The following EBF3 variants were observed in gnomAD, a reference collection of about 807,000 sequenced individuals.
EBF3 encodes transcription factor COE3.
In EBF3, 18 loss-of-function variants were observed where a neutral mutation model predicts 77.1. The observed-to-expected ratio is 0.23, with a 90% CI of 0.16 to 0.35. EBF3 has a LOEUF of 0.35. Ranked by LOEUF, EBF3 falls within the 10% of genes least tolerant of loss-of-function variation. EBF3 has a pLI of 1.00. For missense variants in EBF3, 558 were observed against 860.0 expected, an observed-to-expected ratio of 0.65 and a Z score of 4.39; for synonymous variants, 350 against 343.5, an observed-to-expected ratio of 1.02 and a Z score of -0.21.
At chr10:129,843,800 A>G (rs1850260528) in intron 11 of EBF3, among the ~76,000 whole-genome samples, 1 of 152,220 alleles carries the variant, frequency 6.6e-6, no homozygotes, top group Non-Finnish European at 1.5e-5. Flanking sequence ...AAATTTTTCA[A>G]TTAACCTCTT....
chr10:129,838,569 G>C (rs552389746), intron 16 of EBF3, among the ~76,000 whole-genome samples: 1 of 152,204 alleles, frequency 6.6e-6, no homozygotes, highest in South Asian at 2.1e-4. Context: ...ACGGAGAGAC[G>C]TGAGTCATGG....
At chr10:129,919,263 G>A (rs1856102587) in intron 6 of EBF3, among the ~76,000 whole-genome samples, 1 of 152,174 alleles carries the variant, frequency 6.6e-6, no homozygotes, top group African/African-American at 2.4e-5. Flanking sequence ...GAGCCTGGAA[G>A]TTGGGGTTCC....
intron 6 of EBF3, among the ~76,000 whole-genome samples, chr10:129,907,404 T>G (rs1373096072): frequency 6.6e-6 from 1 of 152,254 alleles, no homozygotes; most frequent in Non-Finnish European, 1.5e-5. Context: ...CTATTGATAA[T>G]TTATATTTTG....
At chr10:129,891,506 CT>C (rs1854015185) in intron 6 of EBF3, among the ~76,000 whole-genome samples, 1 of 152,148 alleles carries the variant, frequency 6.6e-6, no homozygotes, top group African/African-American at 2.4e-5. Flanking sequence ...ATTTTTTATT[CT>C]TTGTCTTTGT....
chr10:129,939,068 T>C (rs1043822665), intron 6 of EBF3, among the ~76,000 whole-genome samples: 1 of 152,198 alleles, frequency 6.6e-6, no homozygotes, highest in Non-Finnish European at 1.5e-5. Flanking sequence ...CTCAAGTTCA[T>C]TACATTTCAG....
At chr10:129,898,882 G>T (rs1365483868) in intron 6 of EBF3, among the ~76,000 whole-genome samples, 1 of 152,224 alleles carries the variant, frequency 6.6e-6, no homozygotes, top group South Asian at 2.1e-4. Context: ...CCCGGCCCGC[G>T]GCCGGCGTCC....
At chr10:129,946,657 G>A (rs1047817988) in intron 6 of EBF3, among the ~76,000 whole-genome samples, 2 of 152,296 alleles carry the variant, frequency 1.3e-5, no homozygotes, top group Non-Finnish European at 2.9e-5. Flanking sequence ...TGCAGACGAG[G>A]CCATGCGTCC....
chr10:129,866,557 C>T (rs542416097), intron 10 of EBF3, among the ~76,000 whole-genome samples: 3 of 152,374 alleles, frequency 2.0e-5, no homozygotes, highest in Non-Finnish European at 2.9e-5. Context: ...TTCCTGCTGA[C>T]AGGAGTCTGT....
chr10:129,956,214 G>T (rs1049594996), intron 6 of EBF3, among the ~76,000 whole-genome samples: 1 of 152,154 alleles, frequency 6.6e-6, no homozygotes, highest in Non-Finnish European at 1.5e-5. Context: ...GGAGTTTTCC[G>T]GGTTTAATTT....
rs1403933688 is a variant in EBF3 at position 129,867,211 on chromosome 10, G to A, written c.969C>T (p.Val323=). The A allele has an allele frequency of 1.3e-5, 21 of 1,614,018 alleles. No individual in the cohort carries two copies. The highest frequency in any genetic ancestry group is 1.7e-5 in the Non-Finnish European group (20 of 1,180,036). ...ATTTGTAGGAGAGGGTCACTTCGAC[G>A]ACGCCAGGAATGTGCCTCGGCGGGG... ...VQTPPRHIPG[V]VEVTLSYKSK... The change falls in exon 10 of 17, where the codon GTC becomes GTT. Residue 323 remains valine, a synonymous_variant. Coordinates refer to ENST00000440978, the MANE Select transcript of EBF3 (RefSeq NM_001375380.1).
chr10:129,898,807 G>C (rs1222783721), intron 6 of EBF3, among the ~76,000 whole-genome samples: 5 of 152,182 alleles, frequency 3.3e-5, no homozygotes, highest in Non-Finnish European at 7.3e-5. Flanking sequence ...ATTTCTCAAA[G>C]TGACAGCTCG....
intron 6 of EBF3, among the ~76,000 whole-genome samples, chr10:129,926,026 C>T (rs1023964001): frequency 6.6e-6 from 1 of 152,164 alleles, no homozygotes; most frequent in African/African-American, 2.4e-5. Flanking sequence ...ACAAAGTGGG[C>T]AAAGTGTCAC....
chr10:129,956,402 G>C (rs941094142), intron 6 of EBF3, among the ~76,000 whole-genome samples: 1 of 152,152 alleles, frequency 6.6e-6, no homozygotes, highest in South Asian at 2.1e-4. Context: ...TCAATCACAC[G>C]CTGGGCCTTT....
intron 6 of EBF3, among the ~76,000 whole-genome samples, chr10:129,905,395 T>C (rs1303304164): frequency 6.6e-6 from 1 of 152,218 alleles, no homozygotes; most frequent in East Asian, 1.9e-4. Flanking sequence ...CTTTTGGCTA[T>C]ATGAAGGAAA....
Position 129,964,231 on chromosome 10 carries a change from G to A in EBF3, c.-463C>T. 2 of 984,972 alleles carry A rather than the reference G, an allele frequency of 2.0e-6. No homozygotes were observed. Among genetic ancestry groups the A allele is most frequent in the African/African-American group, 3.5e-5 (2 of 57,294 alleles). 61.0% of individuals were successfully genotyped at this position (984,972 alleles called of 1,614,324 possible). A position where few individuals can be genotyped will look rare whatever the true frequency, so the allele number is the denominator to read the frequency against. On this transcript the variant is annotated 5_prime_UTR_variant, in exon 1 of 17. Transcript: ENST00000440978. This position sits in a 1 kb window ranked among gnomAD's most constrained non-coding sequence, Gnocchi z 4.5. Reference sequence around the variant, plus strand: ...GGCGGGGCCTGGAGCGGCGCGCGCAGCGGACGGAGGCGCACAAAACTCAGC... The same window carrying A: ...GGCGGGGCCTGGAGCGGCGCGCGCAACGGACGGAGGCGCACAAAACTCAGC...
At position 129,943,284 on chromosome 10, in the gene EBF3, G is replaced by A. The variant is rs1232898383; in HGVS notation, c.554+13974C>T. The stretch of plus-strand genomic sequence containing the variant: ...GCAAATACTTACAGGAGACAGCCTT[G>A]TAGAACTGATTCCTTAATCAACAGT... On this transcript the variant is annotated intron_variant, in intron 6 of 16. Coordinates refer to ENST00000440978, the MANE Select transcript of EBF3 (RefSeq NM_001375380.1). This position sits in a 1 kb window ranked among gnomAD's most constrained non-coding sequence, Gnocchi z 8.8. Among the ~76,000 whole-genome samples, 1 of 152,220 alleles carries A rather than the reference G, an allele frequency of 6.6e-6. No individual in the cohort carries two copies. Among genetic ancestry groups the A allele is most frequent in the East Asian group, 1.9e-4 (1 of 5,196 alleles).
At chr10:129,873,067 G>A (rs1030430247) in intron 8 of EBF3, among the ~76,000 whole-genome samples, 3 of 152,084 alleles carry the variant, frequency 2.0e-5, no homozygotes, top group African/African-American at 4.8e-5. Context: ...CTGTCCCTTC[G>A]GAGCTGACTG....
At chr10:129,872,336 G>T (rs1252269037) in intron 8 of EBF3, among the ~76,000 whole-genome samples, 1 of 152,128 alleles carries the variant, frequency 6.6e-6, no homozygotes, top group Admixed American at 6.5e-5. Context: ...TGCTTAGGGC[G>T]ACCTTTAATT....
rs1319328135 is a variant in EBF3 at position 129,835,878 on chromosome 10, T to C, written c.*2065A>G. 1 of 151,590 alleles carries C rather than the reference T, an allele frequency of 6.6e-6. No individual in the cohort carries two copies. The highest frequency in any genetic ancestry group is 1.5e-5 in the Non-Finnish European group (1 of 67,906). The allele number at this position is 151,590 out of a possible 1,614,324, so 9.4% of individuals were successfully genotyped here. On this transcript the variant is annotated 3_prime_UTR_variant, in exon 17 of 17. Coordinates refer to ENST00000440978, the MANE Select transcript of EBF3 (RefSeq NM_001375380.1). ...AAAAAAAAACACCTGACACTTTTGGTCTCACTGTGGGTTTGGCACTAAGAG... is the reference window on the plus strand; with the variant it reads ...AAAAAAAAACACCTGACACTTTTGGCCTCACTGTGGGTTTGGCACTAAGAG...
Sources: allele counts gnomAD v4.1 joint callset (sites outside exome capture counted in the v4.1 genomes callset), GRCh38; gene constraint gnomAD v4.1.1; non-coding constraint Gnocchi (gnomAD v3.1); transcripts MANE v1.5; gene names NCBI Gene and HGNC (gene_info 2026-07-23, HGNC 2026-07-21).